Variants in DLC1 observed in about 807,000 individuals in gnomAD.
The protein encoded by DLC1 is rho GTPase-activating protein 7.
DLC1 carries 54 observed loss-of-function variants against 140.3 expected under a neutral mutation model. That is an observed-to-expected ratio of 0.38 (90% CI 0.31 to 0.48). The LOEUF is 0.48. Among genes scored for constraint, DLC1 ranks in the 20% least tolerant of loss-of-function variants. The probability of loss-of-function intolerance (pLI) is 0.96; values close to 1 mark genes in which losing one functional copy is unlikely to be tolerated. For missense variants in DLC1, 2,536 were observed against 1,907.0 expected (o/e 1.33, Z -6.14); for synonymous variants, 986 against 728.1 (o/e 1.35, Z -5.70).
At chr8:13,119,504 T>C (rs1327081682) in intron 5 of DLC1, among the ~76,000 whole-genome samples, 1 of 152,182 alleles carries the variant, frequency 6.6e-6, no homozygotes, top group African/African-American at 2.4e-5. Context: ...ATGGGTCACT[T>C]TACTGAGTGC....
chr8:13,469,761 T>A (rs1800120129), intron 2 of DLC1, among the ~76,000 whole-genome samples: 1 of 152,222 alleles, frequency 6.6e-6, no homozygotes, highest in South Asian at 2.1e-4. Flanking sequence ...CTTCTAATAG[T>A]TGTTACAATG....
chr8:13,113,492 A>G (rs1820289381), intron 6 of DLC1, among the ~76,000 whole-genome samples: 1 of 152,244 alleles, frequency 6.6e-6, no homozygotes, highest in Non-Finnish European at 1.5e-5. Context: ...AAGAGGAGAC[A>G]CAGGGAATGG....
At chr8:13,189,458 A>G (rs1826617369) in intron 5 of DLC1, among the ~76,000 whole-genome samples, 1 of 151,866 alleles carries the variant, frequency 6.6e-6, no homozygotes, top group African/African-American at 2.4e-5. Flanking sequence ...ACCCAAGCAA[A>G]CAAAAAGAAA....
At chr8:13,140,528 G>A (rs1427302787) in intron 5 of DLC1, among the ~76,000 whole-genome samples, 1 of 151,626 alleles carries the variant, frequency 6.6e-6, no homozygotes, top group Non-Finnish European at 1.5e-5. Flanking sequence ...CACAGTGCCT[G>A]GCCAACTTTT....
intron 5 of DLC1, among the ~76,000 whole-genome samples, chr8:13,263,371 A>T (rs1830544189): frequency 6.6e-6 from 1 of 152,084 alleles, no homozygotes; most frequent in Non-Finnish European, 1.5e-5. Context: ...GTTTATACCC[A>T]AGTAATGAAC....
At chr8:13,564,416 G>A (rs1804356003) in intron 1 of DLC1, among the ~76,000 whole-genome samples, 1 of 152,146 alleles carries the variant, frequency 6.6e-6, no homozygotes, top group African/African-American at 2.4e-5. Context: ...TCATCTTGCT[G>A]CATCTACAGA....
At chr8:13,102,664 A>G (rs1819195046) in intron 8 of DLC1, 126 bp downstream of exon 8, 1 of 827,478 alleles carries the variant, frequency 1.2e-6, no homozygotes, top group Non-Finnish European at 2.0e-6. Flanking sequence ...GATATCATTC[A>G]AGATGTAGAT....
chr8:13,132,827 T>C, intron 5 of DLC1: 1 of 1,295,080 alleles, frequency 7.7e-7, no homozygotes, highest in Middle Eastern at 1.8e-4. Context: ...AGAAAGCGTT[T>C]AAAGAGCACA....
At chr8:13,139,535 G>A (rs1050326710) in intron 5 of DLC1, among the ~76,000 whole-genome samples, 5 of 152,246 alleles carry the variant, frequency 3.3e-5, no homozygotes, top group African/African-American at 4.8e-5. Flanking sequence ...TGTTAATAGC[G>A]CTCTGTAAGG....
intron 4 of DLC1, among the ~76,000 whole-genome samples, chr8:13,312,844 T>C (rs1832735507): frequency 6.6e-6 from 1 of 152,180 alleles, no homozygotes; most frequent in South Asian, 2.1e-4. Flanking sequence ...TCTATGAAAG[T>C]TCACAATTAA....
intron 8 of DLC1, among the ~76,000 whole-genome samples, chr8:13,102,086 G>A (rs1256318875): frequency 2.0e-5 from 3 of 152,076 alleles, no homozygotes; most frequent in Non-Finnish European, 4.4e-5. Flanking sequence ...TTGCAGCTCA[G>A]GGATTCTGGC....
intron 5 of DLC1, among the ~76,000 whole-genome samples, chr8:13,295,506 C>T (rs1354537696): frequency 3.9e-5 from 6 of 152,174 alleles, no homozygotes; most frequent in African/African-American, 1.2e-4. Flanking sequence ...ATTTATTGGG[C>T]ACTGGTGAAT....
In DLC1 at chr8:13,492,981, G is replaced by C. The variant is rs546028883; in HGVS notation, c.1023+6068C>G. Among the ~76,000 whole-genome samples, 3 of 152,272 alleles carry C rather than the reference G, an allele frequency of 2.0e-5. No individual in the cohort carries two copies. The South Asian group carries it at 6.2e-4, about 32-fold the overall frequency. ...AAATAAGCTATTTACAAAGCTATTG[G>C]CTTTACCTGGGACACAAAACTCACT... On this transcript the variant is annotated intron_variant, in intron 2 of 17. Coordinates refer to ENST00000276297, the MANE Select transcript of DLC1 (RefSeq NM_182643.3).
At chr8:13,458,830 GA>G (rs60250229) in intron 2 of DLC1, among the ~76,000 whole-genome samples, 8,696 of 145,732 alleles carry the variant, frequency 0.06, 485 homozygotes, top group African/African-American at 0.15. Context: ...TCTTCATTTG[GA>G]AAAAAAAAAA....
At chr8:13,307,417 T>C (rs1035912548) in intron 4 of DLC1, among the ~76,000 whole-genome samples, 1 of 152,212 alleles carries the variant, frequency 6.6e-6, no homozygotes, top group African/African-American at 2.4e-5. Flanking sequence ...GCAATTTCCT[T>C]CTTTTACAAG....
intron 5 of DLC1, among the ~76,000 whole-genome samples, chr8:13,121,745 G>A (rs906059187): frequency 6.6e-6 from 1 of 151,992 alleles, no homozygotes; most frequent in Non-Finnish European, 1.5e-5. Flanking sequence ...TAGAGACAGA[G>A]TCTCGCTATG....
chr8:13,119,676 G>C (rs892007470), intron 5 of DLC1, among the ~76,000 whole-genome samples: 2 of 152,180 alleles, frequency 1.3e-5, no homozygotes, highest in African/African-American at 4.8e-5. Flanking sequence ...CTGAGGCCAA[G>C]CGAGGTGGCT....
At chr8:13,250,373 T>C (rs1203566901) in intron 5 of DLC1, among the ~76,000 whole-genome samples, 1 of 152,192 alleles carries the variant, frequency 6.6e-6, no homozygotes, top group Non-Finnish European at 1.5e-5. Flanking sequence ...CCACACAGTA[T>C]CATTTCTTCA....
At chr8:13,349,951 C>CT (rs954639690) in intron 4 of DLC1, among the ~76,000 whole-genome samples, 1 of 152,190 alleles carries the variant, frequency 6.6e-6, no homozygotes, top group East Asian at 1.9e-4. Context: ...ACTTCAGTCT[C>CT]TGAGACCAGC....
Sources: gnomAD v4.1 joint callset for allele counts (sites outside exome capture counted in the v4.1 genomes callset) on GRCh38, gnomAD v4.1.1 for gene constraint, MANE v1.5 for transcripts, NCBI Gene and HGNC (gene_info 2026-07-23, HGNC 2026-07-21) for gene names.